Variants in FAN1 observed in about 807,000 individuals in gnomAD.
FAN1 encodes FANCD2 and FANCI associated nuclease 1, also known as fanconi-associated nuclease 1.
Under a neutral mutation model 104.9 loss-of-function variants are expected in FAN1, and 91 were observed. That is an observed-to-expected ratio of 0.87 (90% CI 0.73 to 1.03). The LOEUF (loss-of-function observed/expected upper bound fraction) is 1.03. FAN1 is among the 50% of genes least tolerant of loss of function. The pLI, the probability that FAN1 is intolerant of heterozygous loss-of-function variation, is 0.00. For synonymous variants in FAN1, 478 were observed against 457.6 expected (o/e 1.04, Z -0.57); for missense variants, 1,263 against 1,239.9 (o/e 1.02, Z -0.28).
rs772621114 is a variant in FAN1 at position 30,905,779 on chromosome 15, T to C, written c.1116T>C (p.His372=). 2.5e-6 allele frequency: 4 copies of C among 1,614,186 alleles called. No homozygotes were observed. Among genetic ancestry groups the C allele is most frequent in the Non-Finnish European group, 3.4e-6 (4 of 1,180,024 alleles). Reference sequence around the variant, plus strand: ...ATGGTCCTGGTCAAACAACCGGTCATCCTTACTACCTTCGGAGTTTCCTTG... The same window carrying C: ...ATGGTCCTGGTCAAACAACCGGTCACCCTTACTACCTTCGGAGTTTCCTTG... The part of the protein sequence containing the change: ...SCNGPGQTTG[H]PYYLRSFLVV... The change falls in exon 2 of 15, where the codon CAT becomes CAC. Residue 372 remains histidine, a synonymous_variant. Transcript: ENST00000362065.
At chr15:30,920,512 T>C in intron 6 of FAN1, 33 bp from the exon 7 acceptor site, 1 of 1,358,580 alleles carries the variant, frequency 7.4e-7, no homozygotes, top group South Asian at 1.2e-5. Flanking sequence ...ATTAACCAAA[T>C]TATTAAACTA....
intron 3 of FAN1, among the ~76,000 whole-genome samples, chr15:30,908,989 A>C (rs1317118302): frequency 6.6e-6 from 1 of 152,210 alleles, no homozygotes; most frequent in Non-Finnish European, 1.5e-5. Flanking sequence ...CCCCTTGCAC[A>C]CACATACAGT....
chr15:30,940,008 A>G (rs1384205816), intron 14 of FAN1: 1 of 976,194 alleles, frequency 1.0e-6, no homozygotes, highest in African/African-American at 1.8e-5. Context: ...TTCAAAAAGA[A>G]ACAGCTATTC....
At position 30,904,517 on chromosome 15, in the gene FAN1, A is replaced by C; in HGVS notation, c.-147A>C. The stretch of plus-strand genomic sequence containing the variant: ...ATATGTGTTTCTTCTTGTAGGAAGA[A>C]GAAATTGTCGAGACGAATAACATGA... On this transcript the variant is annotated 5_prime_UTR_variant, in exon 2 of 15. Coordinates refer to ENST00000362065, the MANE Select transcript of FAN1 (RefSeq NM_014967.5). 1.2e-6 allele frequency: 1 copy of C among 808,796 alleles called. No individual in the cohort carries two copies. The highest frequency in any genetic ancestry group is 1.4e-5 in the South Asian group (1 of 70,852). 50.1% of individuals were successfully genotyped at this position (808,796 alleles called of 1,614,324 possible).
At position 30,904,749 on chromosome 15, in the gene FAN1, C is replaced by A. The variant is rs199574217; in HGVS notation, c.86C>A (p.Ser29Tyr). The A allele has an allele frequency of 6.2e-7, 1 of 1,612,758 alleles. No homozygotes were observed. The highest frequency in any genetic ancestry group is 2.2e-5 in the East Asian group (1 of 44,862). ...AAGAATAAGAAAAAAGCATCTAATT[C>A]TATTATTTCGTGTTTTAACAATGCA... ...ISKNKKKASN[S>Y]IISCFNNAPP... The change falls in exon 2 of 15, where the codon TCT becomes TAT. Residue 29 changes from serine to tyrosine, a missense_variant. Physicochemically the swap from Ser to Tyr is moderately radical, Grantham distance 144. This residue lies in a region of FAN1 where 682 missense variants were observed against 571.1 expected (regional missense o/e 1.19). Coordinates refer to ENST00000362065, the MANE Select transcript of FAN1 (RefSeq NM_014967.5).
At chr15:30,934,922 T>C (rs2062811093) in intron 13 of FAN1, among the ~76,000 whole-genome samples, 1 of 152,254 alleles carries the variant, frequency 6.6e-6, no homozygotes, top group Non-Finnish European at 1.5e-5. Context: ...TTTTGCTTTC[T>C]ACAGTTGATT....
In FAN1 at chr15:30,937,198, C is replaced by CTG. The variant is rs778959205; in HGVS notation, c.2997_2998dup (p.Glu1000ValfsTer3). The CTG allele has an allele frequency of 1.9e-6, 3 of 1,614,066 alleles. No individual in the cohort carries two copies. In the South Asian group the frequency reaches 3.3e-5, roughly 18 times the overall value. On this transcript the variant is annotated frameshift_variant, in exon 14 of 15. Coordinates refer to ENST00000362065, the MANE Select transcript of FAN1 (RefSeq NM_014967.5). LOFTEE classifies it high-confidence loss of function. ...CTGGCTGAACTGCAGAAGCTGGGGG[C>CTG]TGAAGTAGAAGTCTGCCATGTGGTT... is the stretch of plus-strand genomic sequence containing the variant.
At chr15:30,911,414 C>CT in intron 4 of FAN1, 13 of 984,010 alleles carry the variant, frequency 1.3e-5, no homozygotes, top group Non-Finnish European at 1.6e-5. Flanking sequence ...TTTGAAAACA[C>CT]TTTAACATGA....
rs199810253 is a variant in FAN1 at position 30,905,470 on chromosome 15, C to T, written c.807C>T (p.Phe269=). The T allele has an allele frequency of 4.8e-5, 77 of 1,613,986 alleles. 1 individual carries two copies. In the East Asian group the frequency reaches 1.7e-3, roughly 35 times the overall value. Residue 269 remains phenylalanine (F), a synonymous_variant, in exon 2 of 15, where the codon TTC becomes TTT. Coordinates refer to ENST00000362065, the MANE Select transcript of FAN1 (RefSeq NM_014967.5). The part of the protein sequence containing the change: ...DNAIMLFSPD[F]TLRNTLKSTS... ...CGATCATGTTATTCTCACCAGATTT[C>T]ACTCTTAGGAATACATTAAAGTCTA... is the stretch of plus-strand genomic sequence containing the variant.
chr15:30,940,924 A>G, intron 14 of FAN1: 1 of 1,051,948 alleles, frequency 9.5e-7, no homozygotes, highest in Admixed American at 5.1e-5. Context: ...TGATTTCAAA[A>G]CACAGTGATC....
rs1170789742 is a variant in FAN1, at chr15:30,941,949, G to A, written c.*387G>A. On this transcript the variant is annotated 3_prime_UTR_variant, in exon 15 of 15. Coordinates refer to ENST00000362065, the MANE Select transcript of FAN1 (RefSeq NM_014967.5). Reference sequence around the variant, plus strand: ...GTATCACTGTTCTGGCTGTCGGTTTGCTGAGCTGGATCTGGCTTTGGTTTT... The same window carrying A: ...GTATCACTGTTCTGGCTGTCGGTTTACTGAGCTGGATCTGGCTTTGGTTTT... 3 of 1,613,896 alleles carry A rather than the reference G, an allele frequency of 1.9e-6. No homozygotes were observed. Among genetic ancestry groups the A allele is most frequent in the Non-Finnish European group, 2.5e-6 (3 of 1,179,906 alleles).
In FAN1 at chr15:30,941,736, C is replaced by G; in HGVS notation, c.*174C>G. On this transcript the variant is annotated 3_prime_UTR_variant, in exon 15 of 15. Transcript: ENST00000362065. The stretch of plus-strand genomic sequence containing the variant: ...TGCCGCAGCATCCTGCTCAGTACGT[C>G]GACTTCATCAGCCAGGAGGGAGAGC... The G allele has an allele frequency of 6.2e-7, 1 of 1,613,906 alleles. No homozygotes were observed. Among genetic ancestry groups the G allele is most frequent in the South Asian group, 1.1e-5 (1 of 91,068 alleles).
intron 7 of FAN1, among the ~76,000 whole-genome samples, chr15:30,921,614 T>G (rs2062332408): frequency 6.6e-6 from 1 of 152,096 alleles, no homozygotes; most frequent in Non-Finnish European, 1.5e-5. Flanking sequence ...AGGGGAGTGA[T>G]GGGTGGGCTT....
intron 13 of FAN1, among the ~76,000 whole-genome samples, chr15:30,936,387 A>G (rs910908199): frequency 6.8e-6 from 1 of 147,682 alleles, no homozygotes; most frequent in Non-Finnish European, 1.5e-5. Flanking sequence ...GGGGTAGGGA[A>G]GAGACTGGTC....
chr15:30,919,349 C>T (rs887282984), intron 6 of FAN1, among the ~76,000 whole-genome samples: 1 of 141,516 alleles, frequency 7.1e-6, no homozygotes, highest in African/African-American at 2.7e-5. Context: ...CATTGCACTC[C>T]AGCCTGGGCC....
intron 5 of FAN1, among the ~76,000 whole-genome samples, chr15:30,914,337 T>C (rs2062158354): frequency 6.6e-6 from 1 of 152,112 alleles, no homozygotes; most frequent in South Asian, 2.1e-4. Context: ...CTGGTTTATG[T>C]TTCCAAGTAC....
intron 14 of FAN1, chr15:30,939,284 T>C (rs1444448690): frequency 1.0e-6 from 1 of 985,314 alleles, no homozygotes; most frequent in Admixed American, 6.1e-5. Flanking sequence ...TACTAGAAAT[T>C]TCACCCAGTG....
At position 30,920,572 on chromosome 15, in the gene FAN1, G is replaced by A. The variant is rs746895584; in HGVS notation, c.1971G>A (p.Leu657=). Residue 657 remains leucine (L), a synonymous_variant, in exon 7 of 15, where the codon CTG becomes CTA. Coordinates refer to ENST00000362065, the MANE Select transcript of FAN1 (RefSeq NM_014967.5). ...LRCHEDLPLF[L]RCFTVGWIYT... is the part of the protein sequence containing the mutation. ...GCCACGAAGATTTACCACTCTTCCT[G>A]CGGTGTTTCACTGTTGGGTGGATTT... 3 of 1,611,192 alleles carry A rather than the reference G, an allele frequency of 1.9e-6. No individual in the cohort carries two copies. The highest frequency in any genetic ancestry group is 2.7e-5 in the African/African-American group (2 of 74,756).
chr15:30,906,187 C>T (rs1444703989), intron 2 of FAN1, among the ~76,000 whole-genome samples: 1 of 152,132 alleles, frequency 6.6e-6, no homozygotes, highest in Non-Finnish European at 1.5e-5. Context: ...ATGAAACAAC[C>T]TTTTCCAGAT....
Sources: gnomAD v4.1 joint callset for allele counts (sites outside exome capture counted in the v4.1 genomes callset) on GRCh38, gnomAD v4.1.1 for gene constraint, gnomAD v4.1.1 regional missense constraint, MANE v1.5 for transcripts, NCBI Gene and HGNC (gene_info 2026-07-23, HGNC 2026-07-21) for gene names.